GRM1: variants seen among roughly 807,000 people sequenced by gnomAD.
GRM1 encodes the protein glutamate metabotropic receptor 1.
Under a neutral mutation model 90.9 loss-of-function variants are expected in GRM1, and 33 were observed. The observed-to-expected ratio is 0.36, with a 90% confidence interval of 0.28 to 0.49. The LOEUF (loss-of-function observed/expected upper bound fraction) is 0.49, where lower values mean the gene tolerates loss of function less well. Among genes scored for constraint, GRM1 ranks in the 20% least tolerant of loss-of-function variants. The probability of loss-of-function intolerance (pLI) is 0.99; values close to 1 mark genes in which losing one functional copy is unlikely to be tolerated. For synonymous variants in GRM1, 700 were observed against 613.2 expected (o/e 1.14, Z -2.09); for missense variants, 1,190 against 1,534.3 (o/e 0.78, Z 3.75).
At chr6:146,138,871 G>A (rs184488519) in intron 1 of GRM1, among the ~76,000 whole-genome samples, 3 of 149,920 alleles carry the variant, frequency 2.0e-5, no homozygotes, top group Non-Finnish European at 3.0e-5. Flanking sequence ...ACTAATTTGC[G>A]GTTTGATTTG....
intron 1 of GRM1, among the ~76,000 whole-genome samples, chr6:146,043,858 G>A (rs1226733924): frequency 6.8e-6 from 1 of 146,836 alleles, no homozygotes; most frequent in African/African-American, 2.5e-5. Flanking sequence ...CAGAATTTCT[G>A]TATGCTATGA....
chr6:146,383,615 A>G (rs946453802), intron 5 of GRM1, among the ~76,000 whole-genome samples: 3 of 152,162 alleles, frequency 2.0e-5, no homozygotes, highest in Non-Finnish European at 4.4e-5. Flanking sequence ...GTAGGAACAG[A>G]AAACCTTATA....
At chr6:146,182,083 T>C (rs897462188) in intron 2 of GRM1, among the ~76,000 whole-genome samples, 5 of 152,138 alleles carry the variant, frequency 3.3e-5, no homozygotes, top group Non-Finnish European at 5.9e-5. Flanking sequence ...TTACTGAAAG[T>C]AAAGGAAATG....
chr6:146,122,839 C>CTTTTTTTTTTTTTTTTTTTTTTTTTCTT (rs57859188), intron 1 of GRM1, among the ~76,000 whole-genome samples: 2 of 62,200 alleles, frequency 3.2e-5, no homozygotes, highest in East Asian at 5.4e-4. Flanking sequence ...TCTTTTCTTT[C>CTTTTTTTTTTTTTTTTTTTTTTTTTCTT]TTTTTTTTTT....
chr6:146,431,276 T>C (rs544847493), intron 7 of GRM1, among the ~76,000 whole-genome samples: 1 of 152,284 alleles, frequency 6.6e-6, no homozygotes, highest in African/African-American at 2.4e-5. Context: ...AGTGAAAATG[T>C]CCCATCTCAA....
At chr6:146,344,295 A>G (rs1005060294) in intron 3 of GRM1, among the ~76,000 whole-genome samples, 2 of 152,214 alleles carry the variant, frequency 1.3e-5, no homozygotes, top group African/African-American at 4.8e-5. Flanking sequence ...TCTATAGTGC[A>G]GTGCTTATAT....
chr6:146,072,249 C>G (rs1582960658), intron 1 of GRM1, among the ~76,000 whole-genome samples: 1 of 152,242 alleles, frequency 6.6e-6, no homozygotes. Context: ...CTTTCCTTCT[C>G]TCTTAATTGA....
chr6:146,141,310 A>T (rs1776872626), intron 1 of GRM1, among the ~76,000 whole-genome samples: 2 of 138,134 alleles, frequency 1.4e-5, no homozygotes, highest in Non-Finnish European at 1.6e-5. Flanking sequence ...TGCTTCTAAG[A>T]TTTTTTTTTT....
intron 2 of GRM1, among the ~76,000 whole-genome samples, chr6:146,219,311 A>G (rs1347027689): frequency 6.6e-6 from 1 of 152,222 alleles, no homozygotes; most frequent in Non-Finnish European, 1.5e-5. Flanking sequence ...AAGCTTGTTG[A>G]GAAGAGGCTT....
chr6:146,322,209 C>T (rs144934638), intron 3 of GRM1, among the ~76,000 whole-genome samples: 2,875 of 152,272 alleles, frequency 0.019, 91 homozygotes, highest in African/African-American at 0.067. Context: ...ACCCTGTTTG[C>T]CTGGGTATTA....
At chr6:146,304,376 T>C (rs986320314) in intron 2 of GRM1, among the ~76,000 whole-genome samples, 1 of 152,210 alleles carries the variant, frequency 6.6e-6, no homozygotes, top group Admixed American at 6.5e-5. Flanking sequence ...TAATTGTAAG[T>C]GTTGCTGTCA....
At chr6:146,420,458 A>G (rs1777952941) in intron 7 of GRM1, among the ~76,000 whole-genome samples, 1 of 152,238 alleles carries the variant, frequency 6.6e-6, no homozygotes, top group Non-Finnish European at 1.5e-5. Flanking sequence ...TATCAAAATG[A>G]CTGTGACTCA....
intron 1 of GRM1, among the ~76,000 whole-genome samples, chr6:146,157,122 G>A (rs952643567): frequency 1.3e-5 from 2 of 152,278 alleles, no homozygotes; most frequent in East Asian, 3.9e-4. Context: ...TGAGAGTATA[G>A]ATGAAAAAGA....
At chr6:146,082,146 A>AT (rs942003250) in intron 1 of GRM1, among the ~76,000 whole-genome samples, 5 of 152,014 alleles carry the variant, frequency 3.3e-5, no homozygotes, top group African/African-American at 4.8e-5. Flanking sequence ...GAATTCTGTG[A>AT]TTTTTTGTTC....
chr6:146,433,549 TGTGTG>T lies in GRM1; in HGVS notation c.2661-322_2661-318del, dbSNP rs1778487637. ...AAGTGTGTGTGTGTGTGTGTGTGTG[TGTGTG>T]TGTGTCAGAGAGAGACAGAGGGAGA... On this transcript the variant is annotated intron_variant, in intron 7 of 7. Coordinates refer to ENST00000282753, the MANE Select transcript of GRM1 (RefSeq NM_001278064.2). 8.6e-5 allele frequency among the ~76,000 whole-genome samples: 13 copies of T among 151,884 alleles called. No individual in the cohort carries two copies. The South Asian group carries it at 2.7e-3, about 32-fold the overall frequency.
At chr6:146,179,767 G>A (rs978948614) in intron 2 of GRM1, among the ~76,000 whole-genome samples, 5 of 151,954 alleles carry the variant, frequency 3.3e-5, no homozygotes, top group South Asian at 2.1e-4. Context: ...CGCCCACCTC[G>A]GCCTCCCAAA....
At position 146,130,398 on chromosome 6, in the gene GRM1, G is replaced by A. The variant is rs115300049; in HGVS notation, c.701-28950G>A. Among the ~76,000 whole-genome samples the A allele has an allele frequency of 5.6e-3, 857 of 152,134 alleles. 5 individuals are homozygous for A. The highest frequency in any genetic ancestry group is 0.02 in the African/African-American group (830 of 41,502). On this transcript the variant is annotated intron_variant, in intron 1 of 7. Transcript: ENST00000282753. ...AAAATAAATTTCTTAAGAAAAATAG[G>A]TGGAGGATGTTAGATAGTTAAGAGA...
At chr6:146,400,547 T>C (rs1308518572) in intron 7 of GRM1, among the ~76,000 whole-genome samples, 1 of 152,226 alleles carries the variant, frequency 6.6e-6, no homozygotes, top group Non-Finnish European at 1.5e-5. Context: ...GAGTTGTTTT[T>C]ATAATAAGCA....
intron 3 of GRM1, among the ~76,000 whole-genome samples, chr6:146,344,826 T>G (rs186016244): frequency 0.029 from 4,411 of 152,292 alleles, 82 homozygotes; most frequent in Non-Finnish European, 0.047. Flanking sequence ...CTTTCTTTTT[T>G]TTGAGACGGA....
Sources: gnomAD v4.1 joint callset for allele counts (sites outside exome capture counted in the v4.1 genomes callset) on GRCh38, gnomAD v4.1.1 for gene constraint, MANE v1.5 for transcripts, NCBI Gene and HGNC (gene_info 2026-07-23, HGNC 2026-07-21) for gene names.